Variants in MORN5 observed in about 807,000 individuals in gnomAD.
The protein encoded by MORN5 is MORN repeat-containing protein 5.
In MORN5, 21 loss-of-function variants were observed where a neutral mutation model predicts 22.1. The ratio of observed to expected loss-of-function variants is 0.95; its 90% confidence interval spans 0.67 to 1.37. MORN5 has a LOEUF of 1.37. Among genes scored for constraint, MORN5 ranks in the 40% most tolerant of loss-of-function variants. The probability of loss-of-function intolerance (pLI) is 0.00; values close to 1 mark genes in which losing one functional copy is unlikely to be tolerated. For missense variants in MORN5, 211 were observed against 215.1 expected, an observed-to-expected ratio of 0.98 and a Z score of 0.12; for synonymous variants, 73 against 74.0, an observed-to-expected ratio of 0.99 and a Z score of 0.07.
intron 4 of MORN5, among the ~76,000 whole-genome samples, chr9:122,198,059 C>T (rs760708576): frequency 8.5e-5 from 13 of 152,318 alleles, no homozygotes; most frequent in Non-Finnish European, 1.6e-4. Flanking sequence ...CACATCTGCC[C>T]TGGGGTGAGA....
chr9:122,161,821 G>A (rs1013041024), intron 1 of MORN5, among the ~76,000 whole-genome samples: 1 of 152,218 alleles, frequency 6.6e-6, no homozygotes, highest in Non-Finnish European at 1.5e-5. Context: ...TTGGGTTTGT[G>A]TGCTGAATCA....
intron 1 of MORN5, chr9:122,164,713 A>G: frequency 1.3e-6 from 1 of 750,912 alleles, no homozygotes; most frequent in Non-Finnish European, 1.6e-6. Flanking sequence ...GATGGTGCTT[A>G]GAAATGATAG....
chr9:122,184,965 A>G (rs1356067122), intron 4 of MORN5, among the ~76,000 whole-genome samples: 5 of 152,260 alleles, frequency 3.3e-5, no homozygotes, highest in Non-Finnish European at 7.3e-5. Context: ...TATAAAAAGT[A>G]TACATCCAAA....
chr9:122,182,515 C>G (rs1009844342), intron 4 of MORN5, among the ~76,000 whole-genome samples: 2 of 152,246 alleles, frequency 1.3e-5, no homozygotes, highest in Non-Finnish European at 2.9e-5. Context: ...CTTCGGGAGG[C>G]TGAGGCTGGC....
At chr9:122,179,988 G>C (rs1339313527) in intron 4 of MORN5, among the ~76,000 whole-genome samples, 1 of 152,230 alleles carries the variant, frequency 6.6e-6, no homozygotes, top group African/African-American at 2.4e-5. Context: ...TACCACCTGG[G>C]TGGGTCAGAG....
chr9:122,185,833 G>C (rs78960250), intron 4 of MORN5, among the ~76,000 whole-genome samples: 2,480 of 152,284 alleles, frequency 0.016, 73 homozygotes, highest in African/African-American at 0.055. Context: ...CCCACTGCTG[G>C]CCGGAACTCC....
intron 4 of MORN5, among the ~76,000 whole-genome samples, chr9:122,185,746 A>C (rs1236548566): frequency 1.3e-5 from 2 of 152,204 alleles, no homozygotes; most frequent in African/African-American, 4.8e-5. Flanking sequence ...GAGAAATCTG[A>C]GACCCAGAGA....
chr9:122,196,036 C>A (rs1370045756), intron 4 of MORN5, among the ~76,000 whole-genome samples: 1 of 152,096 alleles, frequency 6.6e-6, no homozygotes, highest in East Asian at 1.9e-4. Context: ...CAGCTCACCG[C>A]AGCCTCAACC....
chr9:122,182,486 C>T (rs1172431800), intron 4 of MORN5, among the ~76,000 whole-genome samples: 2 of 152,262 alleles, frequency 1.3e-5, no homozygotes, highest in East Asian at 3.8e-4. Context: ...TGCAGTGGCT[C>T]ACGCCTGTAA....
chr9:122,167,940 G>A (rs1169839335), intron 2 of MORN5, among the ~76,000 whole-genome samples: 6 of 151,968 alleles, frequency 3.9e-5, no homozygotes, highest in Admixed American at 2.0e-4. Context: ...GTCACCCTTC[G>A]TCCCTCTGCT....
intron 4 of MORN5, among the ~76,000 whole-genome samples, chr9:122,184,453 G>A (rs932481867): frequency 2.0e-5 from 3 of 152,162 alleles, no homozygotes; most frequent in Non-Finnish European, 4.4e-5. Flanking sequence ...TTGAAAACTG[G>A]AAACATCCTC....
intron 4 of MORN5, chr9:122,174,882 G>A: frequency 7.8e-7 from 1 of 1,286,672 alleles, no homozygotes; most frequent in Non-Finnish European, 9.9e-7. Context: ...AAGGATTAAG[G>A]TACTTATTTT....
At position 122,194,718 on chromosome 9, in the gene MORN5, A is replaced by G. The variant is rs147504224; in HGVS notation, c.440-5167A>G. Among the ~76,000 whole-genome samples, 1,042 of 152,232 alleles carry G rather than the reference A, an allele frequency of 6.8e-3. 11 individuals are homozygous for G. Among genetic ancestry groups the G allele is most frequent in the African/African-American group, 0.024 (1,006 of 41,542 alleles). The stretch of plus-strand genomic sequence containing the variant: ...TTACAGTCTAATGGGAGAGAAAAAC[A>G]TTATATAAAAAAATATGCAAGCCGG... On this transcript the variant is annotated intron_variant, in intron 4 of 4. Transcript: ENST00000373764.
At position 122,199,968 on chromosome 9, in the gene MORN5, CTG is replaced by C. The variant is rs751446270; in HGVS notation, c.*40_*41del. Reference sequence around the variant, plus strand: ...GGGTCACAGGCCCGAGCCGTGAACTCTGTGGCTGCCTCCACCAGAGGTTTCCA... The same window carrying C: ...GGGTCACAGGCCCGAGCCGTGAACTCTGGCTGCCTCCACCAGAGGTTTCCA... On this transcript the variant is annotated 3_prime_UTR_variant, in exon 5 of 5. Transcript: ENST00000373764. The C allele has an allele frequency of 1.9e-6, 3 of 1,609,888 alleles. No individual in the cohort carries two copies. Among genetic ancestry groups the C allele is most frequent in the Non-Finnish European group, 2.6e-6 (3 of 1,176,106 alleles).
chr9:122,195,015 C>A, intron 4 of MORN5, among the ~76,000 whole-genome samples: 1 of 146,484 alleles, frequency 6.8e-6, no homozygotes. Flanking sequence ...GCAAAAACTC[C>A]ATCTCAAAAA....
intron 4 of MORN5, among the ~76,000 whole-genome samples, chr9:122,189,365 G>A (rs945760717): frequency 2.0e-5 from 3 of 152,154 alleles, no homozygotes; most frequent in Non-Finnish European, 2.9e-5. Context: ...AGGCTAAAGT[G>A]GGAGGATTGC....
chr9:122,196,996 A>C (rs1829907841), intron 4 of MORN5, among the ~76,000 whole-genome samples: 1 of 152,236 alleles, frequency 6.6e-6, no homozygotes, highest in South Asian at 2.1e-4. Flanking sequence ...ATTATTTGTT[A>C]AATGAATGCA....
intron 2 of MORN5, among the ~76,000 whole-genome samples, chr9:122,167,681 C>T (rs1472829274): frequency 3.9e-5 from 6 of 152,124 alleles, no homozygotes; most frequent in East Asian, 3.9e-4. Flanking sequence ...CCTATCAACT[C>T]GGGACAGTTA....
At chr9:122,177,315 T>C (rs1588306123) in intron 4 of MORN5, among the ~76,000 whole-genome samples, 2 of 152,374 alleles carry the variant, frequency 1.3e-5, no homozygotes, top group African/African-American at 2.4e-5. Flanking sequence ...TATCTTTGTC[T>C]GCCTGACAGC....
Sources: allele counts gnomAD v4.1 joint callset (sites outside exome capture counted in the v4.1 genomes callset), GRCh38; gene constraint gnomAD v4.1.1; transcripts MANE v1.5; gene names NCBI Gene and HGNC (gene_info 2026-07-23, HGNC 2026-07-21).